Variants in IQCH observed in about 807,000 individuals in gnomAD.
IQCH encodes IQ motif containing H.
Under a neutral mutation model 117.0 loss-of-function variants are expected in IQCH, and 98 were observed. That is an observed-to-expected ratio of 0.84 (90% CI 0.71 to 0.99). The LOEUF (loss-of-function observed/expected upper bound fraction) is 0.99, where lower values mean the gene tolerates loss of function less well. Ranked by LOEUF, IQCH falls within the 50% of genes least tolerant of loss-of-function variation. The probability of loss-of-function intolerance (pLI) is 0.00; values close to 1 mark genes in which losing one functional copy is unlikely to be tolerated. For synonymous variants in IQCH, 412 were observed against 448.2 expected (o/e 0.92, Z 1.02); for missense variants, 1,102 against 1,243.8 (o/e 0.89, Z 1.72).
At chr15:67,383,326 G>A (rs193212664) in intron 10 of IQCH, among the ~76,000 whole-genome samples, 183 of 152,238 alleles carry the variant, frequency 1.2e-3, no homozygotes, top group African/African-American at 3.9e-3. Flanking sequence ...TGGTAACAGA[G>A]GTCCCAAGTA....
chr15:67,446,156 C>T (rs2082386054), intron 16 of IQCH, among the ~76,000 whole-genome samples: 1 of 152,094 alleles, frequency 6.6e-6, no homozygotes, highest in Non-Finnish European at 1.5e-5. Context: ...ATATGTTATC[C>T]CAGATTTTGA....
In IQCH at chr15:67,406,561, AC is replaced by A. The variant is rs1971914312; in HGVS notation, c.2097+6258del. ...ACCCTGTTTTTTAAAAAAATAAGCAACCAAATATTTTGTTTTTGTTTTAATT... is the reference window on the plus strand; with the variant it reads ...ACCCTGTTTTTTAAAAAAATAAGCAACAAATATTTTGTTTTTGTTTTAATT... On this transcript the variant is annotated intron_variant, in intron 14 of 20. Coordinates refer to ENST00000335894, the MANE Select transcript of IQCH (RefSeq NM_001031715.3). The surrounding 1 kb of genome is among the most constrained non-coding windows in gnomAD (Gnocchi z 4.5). 6.6e-6 allele frequency: 1 copy of A among 152,110 alleles called. No individual in the cohort carries two copies. Among genetic ancestry groups the A allele is most frequent in the African/African-American group, 2.4e-5 (1 of 41,420 alleles). 9.4% of individuals were successfully genotyped at this position (152,110 alleles called of 1,614,324 possible). A position where few individuals can be genotyped will look rare whatever the true frequency, so the allele number is the denominator to read the frequency against.
intron 14 of IQCH, among the ~76,000 whole-genome samples, chr15:67,409,439 C>A (rs1341072149): frequency 6.6e-6 from 1 of 152,062 alleles, no homozygotes; most frequent in Middle Eastern, 3.2e-3. Flanking sequence ...TGTTTGTGGT[C>A]GGGGGCAAAG....
At chr15:67,271,846 G>A (rs1298072628) in intron 3 of IQCH, among the ~76,000 whole-genome samples, 1 of 151,592 alleles carries the variant, frequency 6.6e-6, no homozygotes, top group Admixed American at 6.6e-5. Flanking sequence ...TTTGTTGATT[G>A]TCTTTATCTT....
chr15:67,268,576 C>G (rs1388883306), intron 3 of IQCH, among the ~76,000 whole-genome samples: 1 of 151,936 alleles, frequency 6.6e-6, no homozygotes, highest in Non-Finnish European at 1.5e-5. Context: ...CTCTGTTGTG[C>G]TACTATTTAG....
intron 7 of IQCH, among the ~76,000 whole-genome samples, 162 bp downstream of exon 7, chr15:67,357,583 A>G (rs548671466): frequency 1.3e-5 from 2 of 152,350 alleles, no homozygotes; most frequent in African/African-American, 4.8e-5. Flanking sequence ...GGGGAATTGT[A>G]CAAGTCAACT....
At chr15:67,345,258 T>C (rs1234552874) in intron 6 of IQCH, among the ~76,000 whole-genome samples, 1 of 152,194 alleles carries the variant, frequency 6.6e-6, no homozygotes, top group Non-Finnish European at 1.5e-5. Context: ...ACCAAAGTGC[T>C]GGGATTACAG....
At chr15:67,296,477 T>C (rs1268190218) in intron 4 of IQCH, among the ~76,000 whole-genome samples, 1 of 151,832 alleles carries the variant, frequency 6.6e-6, no homozygotes, top group Non-Finnish European at 1.5e-5. Context: ...GGGAAACTGG[T>C]GGAGGATTTT....
In IQCH at chr15:67,407,576, A is replaced by C. The variant is rs1434367355; in HGVS notation, c.2097+7271A>C. On this transcript the variant is annotated intron_variant, in intron 14 of 20. Coordinates refer to ENST00000335894, the MANE Select transcript of IQCH (RefSeq NM_001031715.3). This position sits in a 1 kb window ranked among gnomAD's most constrained non-coding sequence, Gnocchi z 5.3. ...AGGACCTATAATAATCAGCTACCCA[A>C]GCTGTTGGTTTGTGTGTCCTATTGA... 1 of 152,152 alleles carries C rather than the reference A, an allele frequency of 6.6e-6. No individual in the cohort carries two copies. Among genetic ancestry groups the C allele is most frequent in the Non-Finnish European group, 1.5e-5 (1 of 68,024 alleles). 9.4% of individuals were successfully genotyped at this position (152,152 alleles called of 1,614,324 possible). A position where few individuals can be genotyped will look rare whatever the true frequency, so the allele number is the denominator to read the frequency against.
chr15:67,292,276 G>A (rs1268223598), intron 4 of IQCH, among the ~76,000 whole-genome samples: 2 of 151,868 alleles, frequency 1.3e-5, no homozygotes, highest in Admixed American at 6.6e-5. Flanking sequence ...TTTGAGACAG[G>A]GTATTGCTCT....
In IQCH at chr15:67,491,973, C is replaced by G. The variant is rs185693659; in HGVS notation, c.2861+1909C>G. Among the ~76,000 whole-genome samples, 7 of 152,038 alleles carry G rather than the reference C, an allele frequency of 4.6e-5. No homozygotes were observed. The highest frequency in any genetic ancestry group is 1.7e-4 in the African/African-American group (7 of 41,370). On this transcript the variant is annotated intron_variant, in intron 19 of 20. Coordinates refer to ENST00000335894, the MANE Select transcript of IQCH (RefSeq NM_001031715.3). The surrounding 1 kb of genome is among the most constrained non-coding windows in gnomAD (Gnocchi z 4.9). ...CGTGGTCTAGTATGTCAACTGCTGA[C>G]AAGCCATGAAAGGGGAGCAGCAGTT...
intron 6 of IQCH, among the ~76,000 whole-genome samples, chr15:67,355,786 G>A (rs1474172943): frequency 6.6e-6 from 1 of 152,052 alleles, no homozygotes; most frequent in African/African-American, 2.4e-5. Context: ...AAATGCATGT[G>A]TCTCATAAAA....
At chr15:67,450,027 G>C (rs1285845478) in intron 16 of IQCH, among the ~76,000 whole-genome samples, 1 of 152,110 alleles carries the variant, frequency 6.6e-6, no homozygotes, top group Non-Finnish European at 1.5e-5. Flanking sequence ...CTCTCTGTTT[G>C]TCTGTTATTG....
chr15:67,372,209 C>G lies in IQCH; in HGVS notation c.852C>G (p.Phe284Leu), dbSNP rs1332068229. Reference sequence around the variant, plus strand: ...TCATAGACAATACAGCCCCAGACTTCTTAGCATTCAAGGAACATTTTAGCT... The same window carrying G: ...TCATAGACAATACAGCCCCAGACTTGTTAGCATTCAAGGAACATTTTAGCT... ...DGVIDNTAPD[F>L]LAFKEHFSLA... Residue 284 changes from phenylalanine (F) to leucine (L), a missense_variant, in exon 9 of 21, where the codon TTC becomes TTG. Coordinates refer to ENST00000335894, the MANE Select transcript of IQCH (RefSeq NM_001031715.3). 1 of 1,613,966 alleles carries G rather than the reference C, an allele frequency of 6.2e-7. No homozygotes were observed. The highest frequency in any genetic ancestry group is 8.5e-7 in the Non-Finnish European group (1 of 1,179,978).
Position 67,362,067 on chromosome 15 carries a change from A to C in IQCH, c.753+2182A>C, listed in dbSNP as rs542173773. On this transcript the variant is annotated intron_variant, in intron 8 of 20. Transcript: ENST00000335894. ...CATGAGTGTGTTTGCTTCTGGGAAC[A>C]GGAAGAAAGAGGAAGGAGAATGAAA... is the stretch of plus-strand genomic sequence containing the variant. Among the ~76,000 whole-genome samples the C allele has an allele frequency of 2.6e-5, 4 of 152,208 alleles. No individual in the cohort carries two copies. The East Asian group carries it at 7.7e-4, about 29-fold the overall frequency.
rs922860165 is a variant in IQCH at position 67,354,324 on chromosome 15, A to G, written c.638-3021A>G. ...GCAATATAATTCACCATATTAACATATTTAAAAAGAAAAAACCTCATGGTC... is the reference window on the plus strand; with the variant it reads ...GCAATATAATTCACCATATTAACATGTTTAAAAAGAAAAAACCTCATGGTC... On this transcript the variant is annotated intron_variant, in intron 6 of 20. Transcript: ENST00000335894. Among the ~76,000 whole-genome samples, 7 of 152,300 alleles carry G rather than the reference A, an allele frequency of 4.6e-5. No individual in the cohort carries two copies. In the East Asian group the frequency reaches 1.3e-3, roughly 29 times the overall value.
chr15:67,452,387 G>A (rs2082550628), intron 16 of IQCH, among the ~76,000 whole-genome samples: 2 of 152,150 alleles, frequency 1.3e-5, no homozygotes, highest in African/African-American at 4.8e-5. Context: ...CATGTTTAGT[G>A]CTTCCTTCAG....
intron 8 of IQCH, among the ~76,000 whole-genome samples, chr15:67,361,546 CCTAA>C (rs752646384): frequency 3.9e-5 from 6 of 152,140 alleles, no homozygotes; most frequent in East Asian, 1.9e-4. Context: ...TACACTTCTG[CCTAA>C]CTAATATAAT....
Position 67,474,067 on chromosome 15 carries a change from AGTGTGTGTGTGTGTGTGTGT to A in IQCH, c.2677-1611_2677-1592del, listed in dbSNP as rs36050088. 6.4e-4 allele frequency among the ~76,000 whole-genome samples: 89 copies of A among 138,314 alleles called. 6 individuals carry two copies. The East Asian group carries it at 6.8e-3, about 11-fold the overall frequency. 90.7% of individuals were successfully genotyped at this position (138,314 alleles called of 152,430 possible). On this transcript the variant is annotated intron_variant, in intron 17 of 20. Transcript: ENST00000335894. This position sits in a 1 kb window ranked among gnomAD's most constrained non-coding sequence, Gnocchi z 4.1. Reference sequence around the variant, plus strand: ...GTCACCAAAAGTGCCACGAAATCTGAGTGTGTGTGTGTGTGTGTGTGTGTGTGTGTGTGTGTGGAGAGGGA... The same window carrying A: ...GTCACCAAAAGTGCCACGAAATCTGAGTGTGTGTGTGTGTGTGGAGAGGGA...
Sources: gnomAD v4.1 joint callset for allele counts (sites outside exome capture counted in the v4.1 genomes callset) on GRCh38, gnomAD v4.1.1 for gene constraint, Gnocchi (gnomAD v3.1) non-coding constraint, MANE v1.5 for transcripts, NCBI Gene and HGNC (gene_info 2026-07-23, HGNC 2026-07-21) for gene names.